ADGRB3: variants seen among roughly 807,000 people sequenced by gnomAD.
The protein encoded by ADGRB3 is adhesion G protein-coupled receptor B3.
ADGRB3 carries 37 observed loss-of-function variants against 193.4 expected under a neutral mutation model. The ratio of observed to expected loss-of-function variants is 0.19; its 90% CI spans 0.15 to 0.25. The LOEUF is 0.25. ADGRB3 is among the 10% of genes least tolerant of loss of function. The probability of loss-of-function intolerance (pLI) is 1.00; values close to 1 mark genes in which losing one functional copy is unlikely to be tolerated. For synonymous variants in ADGRB3, 690 were observed against 644.2 expected (o/e 1.07, Z -1.08); for missense variants, 1,637 against 1,852.9 (o/e 0.88, Z 2.14).
chr6:68,885,461 T>C (rs1454321416), intron 3 of ADGRB3, among the ~76,000 whole-genome samples: 1 of 152,224 alleles, frequency 6.6e-6, no homozygotes, highest in African/African-American at 2.4e-5. Flanking sequence ...CGAAAATCTA[T>C]CACCACACAT....
intron 3 of ADGRB3, among the ~76,000 whole-genome samples, chr6:68,864,611 TG>T (rs1247715445): frequency 6.6e-6 from 1 of 152,146 alleles, no homozygotes; most frequent in Admixed American, 6.5e-5. Context: ...CGACTCCTTT[TG>T]TGTAACCCCC....
At chr6:68,978,592 A>G (rs1222921259) in intron 10 of ADGRB3, among the ~76,000 whole-genome samples, 5 of 151,614 alleles carry the variant, frequency 3.3e-5, no homozygotes, top group South Asian at 4.2e-4. Flanking sequence ...TGCATACTCA[A>G]TTGGAAACAG....
chr6:68,951,074 C>A (rs980103415), intron 6 of ADGRB3, among the ~76,000 whole-genome samples: 1 of 152,004 alleles, frequency 6.6e-6, no homozygotes, highest in African/African-American at 2.4e-5. Context: ...TTCCTGAACA[C>A]AGATCTTCAC....
At chr6:68,698,911 A>C (rs938342094) in intron 3 of ADGRB3, among the ~76,000 whole-genome samples, 3 of 152,086 alleles carry the variant, frequency 2.0e-5, no homozygotes, top group African/African-American at 7.2e-5. Context: ...AGGTCTAGGC[A>C]TATAGATTAT....
chr6:69,332,818 A>G, intron 23 of ADGRB3, 105 bp from the exon 24 acceptor site: 1 of 1,503,652 alleles, frequency 6.7e-7, no homozygotes, highest in Non-Finnish European at 8.9e-7. Context: ...TACCACTACT[A>G]GTGATACGGT....
intron 15 of ADGRB3, among the ~76,000 whole-genome samples, chr6:69,050,441 G>T (rs749333404): frequency 6.6e-5 from 10 of 152,028 alleles, no homozygotes; most frequent in Non-Finnish European, 1.5e-4. Flanking sequence ...CCTCAATTTG[G>T]ATCTATTTGT....
chr6:69,275,228 A>T (rs1254585068), intron 20 of ADGRB3, among the ~76,000 whole-genome samples: 1 of 152,174 alleles, frequency 6.6e-6, no homozygotes, highest in African/African-American at 2.4e-5. Flanking sequence ...AATAGGTTCA[A>T]TTACTTATTT....
intron 29 of ADGRB3, 96 bp from the exon 30 acceptor site, chr6:69,372,310 T>C (rs1378390726): frequency 4.6e-6 from 3 of 650,194 alleles, no homozygotes; most frequent in African/African-American, 1.9e-5. Context: ...ACAAGCAGGA[T>C]TATCTTTAAT....
chr6:69,093,921 A>C (rs559180902), intron 17 of ADGRB3, among the ~76,000 whole-genome samples: 289 of 152,332 alleles, frequency 1.9e-3, no homozygotes, highest in African/African-American at 6.8e-3. Flanking sequence ...AGCTGTAAAA[A>C]TTATTTAAAT....
At chr6:68,970,632 G>T (rs1346329692) in intron 8 of ADGRB3, among the ~76,000 whole-genome samples, 4 of 152,124 alleles carry the variant, frequency 2.6e-5, no homozygotes, top group Admixed American at 1.3e-4. Context: ...TGCACCATTG[G>T]TTCTTCTAAA....
chr6:69,036,024 A>G (rs1373683440), intron 13 of ADGRB3, among the ~76,000 whole-genome samples: 1 of 152,166 alleles, frequency 6.6e-6, no homozygotes, highest in African/African-American at 2.4e-5. Context: ...AAGTCCAAGT[A>G]GACAGTTTAG....
At chr6:68,999,085 C>T (rs1769483056) in intron 11 of ADGRB3, among the ~76,000 whole-genome samples, 1 of 152,100 alleles carries the variant, frequency 6.6e-6, no homozygotes, top group Non-Finnish European at 1.5e-5. Context: ...GTAAAAACCT[C>T]ATACAATAAA....
chr6:68,782,824 G>GT (rs904887656), intron 3 of ADGRB3, among the ~76,000 whole-genome samples: 9 of 150,794 alleles, frequency 6.0e-5, no homozygotes, highest in South Asian at 2.1e-4. Context: ...GGGGTTGTTT[G>GT]TTTTTTTTCT....
chr6:69,349,345 G>A (rs1269609850), intron 26 of ADGRB3, among the ~76,000 whole-genome samples: 1 of 152,202 alleles, frequency 6.6e-6, no homozygotes, highest in Non-Finnish European at 1.5e-5. Context: ...CAATTTTAGA[G>A]ATTAAGTGAT....
intron 3 of ADGRB3, among the ~76,000 whole-genome samples, chr6:68,896,743 A>G (rs937472884): frequency 5.3e-5 from 8 of 152,158 alleles, no homozygotes; most frequent in Admixed American, 5.2e-4. Flanking sequence ...GAAAAGTAGC[A>G]TTCTAAATCA....
intron 17 of ADGRB3, among the ~76,000 whole-genome samples, chr6:69,109,225 G>A (rs2150324899): frequency 1.3e-5 from 2 of 152,206 alleles, no homozygotes; most frequent in Admixed American, 1.3e-4. Flanking sequence ...TGAAATTATA[G>A]CTCATTCATG....
chr6:68,767,576 C>G (rs1766533580), intron 3 of ADGRB3, among the ~76,000 whole-genome samples: 1 of 152,114 alleles, frequency 6.6e-6, no homozygotes, highest in South Asian at 2.1e-4. Context: ...ACACCCGTAG[C>G]CAATATCATA....
rs768134872 is a variant in ADGRB3 at position 69,303,338 on chromosome 6, C to G, written c.2815-21534C>G. ...ATGATGCATGTCCCTAAAGTTACAC[C>G]GAGTGTGCCTGCCTCTCCTGCCTCT... On this transcript the variant is annotated intron_variant, in intron 20 of 31. Transcript: ENST00000370598. Among the ~76,000 whole-genome samples the G allele has an allele frequency of 3.9e-5, 6 of 151,920 alleles. No homozygotes were observed. The South Asian group carries it at 1.2e-3, about 32-fold the overall frequency.
rs1014702273 is a variant in ADGRB3 at position 68,889,533 on chromosome 6, C to T, written c.758-41026C>T. 3.3e-5 allele frequency among the ~76,000 whole-genome samples: 5 copies of T among 149,810 alleles called. No individual in the cohort carries two copies. The Admixed American group carries it at 3.3e-4, about 10-fold the overall frequency. ...TTTTTTTTTTTTTGAGACGGCTTCT[C>T]GCTCTGTCCCCCGGGCTGGAGTGCA... On this transcript the variant is annotated intron_variant, in intron 3 of 31. Coordinates refer to ENST00000370598, the MANE Select transcript of ADGRB3 (RefSeq NM_001704.3).
Sources: gnomAD v4.1 joint callset for allele counts (sites outside exome capture counted in the v4.1 genomes callset) on GRCh38, gnomAD v4.1.1 for gene constraint, MANE v1.5 for transcripts, NCBI Gene and HGNC (gene_info 2026-07-23, HGNC 2026-07-21) for gene names.